Variants in C1QTNF7 observed in about 807,000 individuals in gnomAD.
C1QTNF7 encodes the protein complement C1q tumor necrosis factor-related protein 7.
Under a neutral mutation model 19.6 loss-of-function variants are expected in C1QTNF7, and 15 were observed. That is an observed-to-expected ratio of 0.76 (90% confidence interval 0.51 to 1.18). The LOEUF is 1.18. Among genes scored for constraint, C1QTNF7 ranks in the 50% most tolerant of loss-of-function variants. The pLI is 0.00. For synonymous variants in C1QTNF7, 142 were observed against 137.5 expected, an observed-to-expected ratio of 1.03 and a Z score of -0.23; for missense variants, 324 against 359.7, an observed-to-expected ratio of 0.90 and a Z score of 0.80.
chr4:15,348,774 A>G (rs1716802474), intron 1 of C1QTNF7, among the ~76,000 whole-genome samples: 1 of 152,234 alleles, frequency 6.6e-6, no homozygotes, highest in Non-Finnish European at 1.5e-5. Flanking sequence ...AGAAATGGCA[A>G]TGTCATATAG....
chr4:15,399,355 G>T (rs747040824), intron 1 of C1QTNF7, among the ~76,000 whole-genome samples: 11 of 152,110 alleles, frequency 7.2e-5, no homozygotes, highest in Non-Finnish European at 1.3e-4. Context: ...TGCCTGATGA[G>T]CCACCTACTG....
At chr4:15,414,676 C>G (rs1719525731) in intron 1 of C1QTNF7, among the ~76,000 whole-genome samples, 1 of 152,046 alleles carries the variant, frequency 6.6e-6, no homozygotes. Flanking sequence ...CTCTCCATTT[C>G]TCCTCAGTGT....
intron 1 of C1QTNF7, among the ~76,000 whole-genome samples, chr4:15,360,547 A>G (rs778667947): frequency 1.3e-5 from 2 of 152,192 alleles, no homozygotes. Context: ...GCTTTCTTGC[A>G]CTTAGAAACA....
intron 1 of C1QTNF7, among the ~76,000 whole-genome samples, chr4:15,396,274 C>T (rs1480360116): frequency 2.0e-5 from 3 of 152,188 alleles, no homozygotes; most frequent in African/African-American, 7.2e-5. Flanking sequence ...CTGAGCCAAC[C>T]TCCATCAGGT....
At chr4:15,423,688 C>T (rs147703702), upstream of C1QTNF7, among the ~76,000 whole-genome samples, 1 of 152,318 alleles carries the variant, frequency 6.6e-6, no homozygotes, top group East Asian at 1.9e-4. Context: ...TCCCTGCAGG[C>T]TTATGCCTGC....
At chr4:15,439,099 C>T (rs1259017515) in intron 2 of C1QTNF7, among the ~76,000 whole-genome samples, 1 of 152,190 alleles carries the variant, frequency 6.6e-6, no homozygotes, top group Non-Finnish European at 1.5e-5. Context: ...ATCCTCCACT[C>T]TACCCAAGCA....
chr4:15,368,483 C>T (rs896048559), intron 1 of C1QTNF7, among the ~76,000 whole-genome samples: 1 of 152,000 alleles, frequency 6.6e-6, no homozygotes, highest in African/African-American at 2.4e-5. Context: ...ATGTTCCCCT[C>T]CCTGTGTCCA....
chr4:15,398,181 C>T (rs1475780495), intron 1 of C1QTNF7, among the ~76,000 whole-genome samples: 1 of 152,050 alleles, frequency 6.6e-6, no homozygotes, highest in African/African-American at 2.4e-5. Context: ...GAAATATGGC[C>T]CTAGGTCAAA....
intron 1 of C1QTNF7, among the ~76,000 whole-genome samples, chr4:15,401,818 T>C (rs560704724): frequency 6.6e-6 from 1 of 151,976 alleles, no homozygotes; most frequent in Non-Finnish European, 1.5e-5. Context: ...AGAAAACAGA[T>C]AAATGCTATT....
intron 1 of C1QTNF7, 135 bp from the exon 2 acceptor site, chr4:15,435,601 T>G: frequency 3.2e-6 from 4 of 1,261,104 alleles, no homozygotes; most frequent in Non-Finnish European, 4.4e-6. Flanking sequence ...AACAGTGTTT[T>G]ACATGTCTGG....
chr4:15,421,984 A>T (rs1230111580), intron 1 of C1QTNF7, among the ~76,000 whole-genome samples: 1 of 152,094 alleles, frequency 6.6e-6, no homozygotes, highest in Non-Finnish European at 1.5e-5. Context: ...GAAAAGGCAA[A>T]ATTACAGGAC....
At chr4:15,353,087 G>C (rs1210735550) in intron 1 of C1QTNF7, among the ~76,000 whole-genome samples, 1 of 152,180 alleles carries the variant, frequency 6.6e-6, no homozygotes, top group African/African-American at 2.4e-5. Flanking sequence ...TTGGTCTGCA[G>C]ACTGTAGTTA....
intron 1 of C1QTNF7, among the ~76,000 whole-genome samples, chr4:15,431,913 T>C (rs1291565551): frequency 1.3e-5 from 2 of 152,040 alleles, no homozygotes; most frequent in Admixed American, 1.3e-4. Context: ...GTAGAGCAGA[T>C]AAAAGGAAGG....
intron 1 of C1QTNF7, among the ~76,000 whole-genome samples, chr4:15,372,707 A>G (rs1226925188): frequency 2.0e-5 from 3 of 152,222 alleles, no homozygotes; most frequent in East Asian, 3.8e-4. Flanking sequence ...GTTCATGGCT[A>G]CTTCAAAAAT....
chr4:15,394,169 T>C lies in C1QTNF7; in HGVS notation c.14-41567T>C, dbSNP rs182215146. Among the ~76,000 whole-genome samples the C allele has an allele frequency of 2.6e-3, 400 of 152,290 alleles. 3 individuals are homozygous for C. Among genetic ancestry groups the C allele is most frequent in the African/African-American group, 9.0e-3 (375 of 41,568 alleles). Reference sequence around the variant, plus strand: ...GCAAAGGCCCTGAAGTGGGAGCATGTTTGGAACACTTGAGGAAAGTACGTA... The same window carrying C: ...GCAAAGGCCCTGAAGTGGGAGCATGCTTGGAACACTTGAGGAAAGTACGTA... On this transcript the variant is annotated intron_variant, in intron 1 of 2. Transcript: ENST00000295297.
intron 1 of C1QTNF7, among the ~76,000 whole-genome samples, chr4:15,349,617 A>C (rs993129209): frequency 6.6e-6 from 1 of 152,168 alleles, no homozygotes; most frequent in Non-Finnish European, 1.5e-5. Flanking sequence ...TGGCAGCCAG[A>C]CTCAGAGCCT....
At position 15,442,373 on chromosome 4, in the gene C1QTNF7, C is replaced by T. The variant is rs556312158; in HGVS notation, c.444C>T (p.Ser148=). ...GATGTGGAAGCATCGTGCTCAAATC[C>T]GCCTTTTCTGTTGGCATCACAACCA... ...VCRCGSIVLK[S]AFSVGITTSY... The change falls in exon 3 of 3, where the codon TCC becomes TCT. Residue 148 remains serine, a synonymous_variant. Coordinates refer to ENST00000444304, the MANE Select transcript of C1QTNF7 (RefSeq NM_031911.5). 3.2e-5 allele frequency: 52 copies of T among 1,613,970 alleles called. No individual in the cohort carries two copies. Among genetic ancestry groups the T allele is most frequent in the Middle Eastern group, 1.6e-4 (1 of 6,082 alleles).
chr4:15,350,468 C>G (rs957237377), intron 1 of C1QTNF7, among the ~76,000 whole-genome samples: 27 of 151,118 alleles, frequency 1.8e-4, no homozygotes, highest in African/African-American at 6.6e-4. Flanking sequence ...CATTTTCTTC[C>G]CCTCTGTCAC....
chr4:15,425,908 C>T (rs929553704), upstream of C1QTNF7, among the ~76,000 whole-genome samples: 27 of 151,988 alleles, frequency 1.8e-4, 1 homozygote, highest in Admixed American at 7.2e-4. Flanking sequence ...CCAGCAAGTG[C>T]GAATTCTACA....
Sources: allele counts gnomAD v4.1 joint callset (sites outside exome capture counted in the v4.1 genomes callset), GRCh38; gene constraint gnomAD v4.1.1; transcripts MANE v1.5; gene names NCBI Gene and HGNC (gene_info 2026-07-23, HGNC 2026-07-21).